PID1: variants seen among roughly 807,000 people sequenced by gnomAD.
PID1 encodes phosphotyrosine interaction domain containing 1.
Under a neutral mutation model 19.1 loss-of-function variants are expected in PID1, and 10 were observed. The ratio of observed to expected loss-of-function variants is 0.52; its 90% confidence interval spans 0.32 to 0.89. PID1 has a LOEUF of 0.89. PID1 is among the 40% of genes least tolerant of loss of function. The pLI is 0.03. For missense variants in PID1, 248 were observed against 285.3 expected, an observed-to-expected ratio of 0.87 and a Z score of 0.94; for synonymous variants, 130 against 116.0, an observed-to-expected ratio of 1.12 and a Z score of -0.78.
At chr2:229,164,765 T>C (rs1245732746) in intron 1 of PID1, among the ~76,000 whole-genome samples, 2 of 152,106 alleles carry the variant, frequency 1.3e-5, no homozygotes, top group African/African-American at 2.4e-5. Flanking sequence ...TTGAAACAGT[T>C]TGCAGGCTGC....
chr2:229,091,257 C>A (rs1348877864), intron 2 of PID1, among the ~76,000 whole-genome samples: 1 of 151,360 alleles, frequency 6.6e-6, no homozygotes, highest in Non-Finnish European at 1.5e-5. Flanking sequence ...TGATTACTAG[C>A]AAAATGGGCA....
intron 1 of PID1, chr2:229,228,172 C>T (rs986790478): frequency 5.5e-5 from 22 of 401,172 alleles, no homozygotes; most frequent in Middle Eastern, 3.5e-4. Flanking sequence ...GCAAATAAAA[C>T]CGATACAAGC....
At chr2:229,075,782 T>C (rs965777239) in intron 2 of PID1, among the ~76,000 whole-genome samples, 12 of 152,232 alleles carry the variant, frequency 7.9e-5, no homozygotes, top group Non-Finnish European at 1.3e-4. Flanking sequence ...GCTCTTCCTT[T>C]TTTCCTGAGA....
intron 1 of PID1, among the ~76,000 whole-genome samples, chr2:229,227,322 T>C (rs950175593): frequency 6.6e-6 from 1 of 152,250 alleles, no homozygotes; most frequent in Non-Finnish European, 1.5e-5. Context: ...TAGTCACCTA[T>C]GGCCAGTGGC....
intron 2 of PID1, among the ~76,000 whole-genome samples, chr2:229,136,499 CCAGA>C (rs1208287831): frequency 2.6e-5 from 4 of 152,148 alleles, no homozygotes; most frequent in African/African-American, 9.7e-5. Context: ...TCACTGGTTA[CCAGA>C]CAAAGATAAT....
chr2:229,169,762 A>G (rs1690673595), intron 1 of PID1, among the ~76,000 whole-genome samples: 1 of 152,306 alleles, frequency 6.6e-6, no homozygotes, highest in Non-Finnish European at 1.5e-5. Context: ...CTCCCTGACA[A>G]ATAAATGTGG....
At chr2:229,233,941 A>G (rs1692270274) in intron 1 of PID1, among the ~76,000 whole-genome samples, 1 of 152,244 alleles carries the variant, frequency 6.6e-6, no homozygotes. Flanking sequence ...AGGCACAAAA[A>G]TATCCTTAGT....
intron 2 of PID1, among the ~76,000 whole-genome samples, chr2:229,113,454 A>G (rs1695340343): frequency 6.9e-6 from 1 of 144,514 alleles, no homozygotes. Context: ...ACACACAAAC[A>G]CACACACACA....
At chr2:229,034,234 C>G (rs1693613911) in intron 2 of PID1, among the ~76,000 whole-genome samples, 1 of 152,182 alleles carries the variant, frequency 6.6e-6, no homozygotes, top group African/African-American at 2.4e-5. Context: ...AAGGGGGCTA[C>G]TAGAACCAAT....
At chr2:229,163,683 G>GCGCA (rs1559264460) in intron 1 of PID1, among the ~76,000 whole-genome samples, 1 of 39,436 alleles carries the variant, frequency 2.5e-5, no homozygotes, top group Non-Finnish European at 8.8e-5. Flanking sequence ...GTGCGTGTGC[G>GCGCA]TGTGTGTGTG....
chr2:229,175,842 T>C (rs1690809969), intron 1 of PID1, among the ~76,000 whole-genome samples: 1 of 152,178 alleles, frequency 6.6e-6, no homozygotes, highest in Non-Finnish European at 1.5e-5. Context: ...ATTCGCCACA[T>C]TTAAATATCA....
intron 2 of PID1, among the ~76,000 whole-genome samples, chr2:229,112,547 G>A (rs574733835): frequency 1.8e-4 from 27 of 152,138 alleles, no homozygotes; most frequent in African/African-American, 5.8e-4. Flanking sequence ...GTGCAGTGGC[G>A]CAATCTCAGC....
chr2:229,115,277 C>A (rs1349703856), intron 2 of PID1, among the ~76,000 whole-genome samples: 1 of 151,564 alleles, frequency 6.6e-6, no homozygotes, highest in Non-Finnish European at 1.5e-5. Context: ...GAGGCCATGG[C>A]AGGAGGATTG....
chr2:229,232,755 C>T (rs1334343806), intron 1 of PID1, among the ~76,000 whole-genome samples: 1 of 142,522 alleles, frequency 7.0e-6, no homozygotes, highest in African/African-American at 2.6e-5. Context: ...TGTTGACTGA[C>T]CAAAAATGAA....
At chr2:229,199,478 G>A (rs971548482) in intron 1 of PID1, among the ~76,000 whole-genome samples, 10 of 151,920 alleles carry the variant, frequency 6.6e-5, no homozygotes, top group African/African-American at 9.7e-5. Context: ...TATCTGGCCC[G>A]TGGCCAACTT....
At chr2:229,117,476 T>A (rs1271091374) in intron 2 of PID1, among the ~76,000 whole-genome samples, 1 of 152,176 alleles carries the variant, frequency 6.6e-6, no homozygotes, top group Non-Finnish European at 1.5e-5. Context: ...TCCTACTGGG[T>A]CTCTCATACA....
rs561924763 is a variant in PID1 at position 229,177,581 on chromosome 2, T to G, written c.31-21617A>C. Among the ~76,000 whole-genome samples, 14 of 152,316 alleles carry G rather than the reference T, an allele frequency of 9.2e-5. No homozygotes were observed. The East Asian group carries it at 2.5e-3, about 27-fold the overall frequency. On this transcript the variant is annotated intron_variant, in intron 1 of 2. Coordinates refer to ENST00000392055, the MANE Select transcript of PID1 (RefSeq NM_001100818.2). Reference sequence around the variant, plus strand: ...CTTTCATCACTCTCATCTCACCAAGTGACTTATTTTCATGAGTGACTTATT... The same window carrying G: ...CTTTCATCACTCTCATCTCACCAAGGGACTTATTTTCATGAGTGACTTATT...
chr2:229,116,317 A>G (rs1695410456), intron 2 of PID1, among the ~76,000 whole-genome samples: 1 of 152,190 alleles, frequency 6.6e-6, no homozygotes, highest in Non-Finnish European at 1.5e-5. Flanking sequence ...TCGGATGCTG[A>G]GTCTTTATGC....
chr2:229,194,652 C>T (rs910850926), intron 1 of PID1, among the ~76,000 whole-genome samples: 4 of 151,816 alleles, frequency 2.6e-5, no homozygotes, highest in Non-Finnish European at 5.9e-5. Flanking sequence ...AACATAATCC[C>T]TATTTTTAAA....
Sources: gnomAD v4.1 joint callset for allele counts (sites outside exome capture counted in the v4.1 genomes callset) on GRCh38, gnomAD v4.1.1 for gene constraint, MANE v1.5 for transcripts, NCBI Gene and HGNC (gene_info 2026-07-23, HGNC 2026-07-21) for gene names.